AGAP4: variants seen among roughly 807,000 people sequenced by gnomAD.
AGAP4 encodes ArfGAP with GTPase domain, ankyrin repeat and PH domain 4.
Under a neutral mutation model 60.7 loss-of-function variants are expected in AGAP4, and 13 were observed. The ratio of observed to expected loss-of-function variants is 0.21; its 90% CI spans 0.14 to 0.34. AGAP4 has a LOEUF of 0.34. Among genes scored for constraint, AGAP4 ranks in the 10% least tolerant of loss-of-function variants. The probability of loss-of-function intolerance (pLI) is 1.00; values close to 1 mark genes in which losing one functional copy is unlikely to be tolerated. For synonymous variants in AGAP4, 70 were observed against 339.0 expected, an observed-to-expected ratio of 0.21 and a Z score of 8.72; for missense variants, 169 against 884.0, an observed-to-expected ratio of 0.19 and a Z score of 10.26.
chr10:45,853,651 G>T, intron 1 of AGAP4: 2 of 1,286,916 alleles, frequency 1.6e-6, no homozygotes, highest in Non-Finnish European at 2.0e-6. Context: ...GGAGACCAAG[G>T]TACCTCCAGA....
Position 45,846,732 on chromosome 10 carries a change from T to C in AGAP4, c.247A>G (p.Asn83Asp), listed in dbSNP as rs2135966411. ...TGGAATATTGTGCTTGCCTCTGGATTGGCAGAAAGGTTAAACTCCAAAGCT... is the reference window on the plus strand; with the variant it reads ...TGGAATATTGTGCTTGCCTCTGGATCGGCAGAAAGGTTAAACTCCAAAGCT... ...PEALEFNLSANPEASTIFQRN... is the reference protein window; with the variant it reads ...PEALEFNLSADPEASTIFQRN... The change falls in exon 2 of 8, where the codon AAT (asparagine) becomes GAT (aspartate). Residue 83 changes from asparagine to aspartate, a missense_variant. Physicochemically the swap from Asn to Asp is conservative, Grantham distance 23. Coordinates refer to ENST00000616763, the MANE Select transcript of AGAP4 (RefSeq NM_001276343.3). 1 of 1,305,188 alleles carries C rather than the reference T, an allele frequency of 7.7e-7. No individual in the cohort carries two copies. Among genetic ancestry groups the C allele is most frequent in the East Asian group, 2.5e-5 (1 of 39,696 alleles). 80.9% of individuals were successfully genotyped at this position (1,305,188 alleles called of 1,614,324 possible).
rs1429373066 is a variant in AGAP4 at position 45,853,541 on chromosome 10, A to G, written n.221+114T>C. 3.4e-6 allele frequency: 4 copies of G among 1,192,602 alleles called. No individual in the cohort carries two copies. The East Asian group carries it at 1.7e-4, about 52-fold the overall frequency. 73.9% of individuals were successfully genotyped at this position (1,192,602 alleles called of 1,614,324 possible). ...ATGTCAGCCAAATACATATGCTCAG[A>G]TTTACCATTTATCAAGAGGTCTTCA... On this transcript the variant is annotated intron_variant and non_coding_transcript_variant, in intron 1 of 9. Coordinates refer to the AGAP4 transcript ENST00000430779.
intron 6 of AGAP4, among the ~76,000 whole-genome samples, chr10:45,830,587 G>A (rs1323331844): frequency 6.6e-4 from 72 of 109,130 alleles, no homozygotes; most frequent in Non-Finnish European, 6.7e-4. Flanking sequence ...CCAAGTTCAA[G>A]CGGTTCTCCT....
intron 4 of AGAP4, among the ~76,000 whole-genome samples, chr10:45,837,987 T>G (rs2058850398): frequency 6.6e-6 from 1 of 150,690 alleles, no homozygotes; most frequent in Admixed American, 6.6e-5. Context: ...CCAGAATCTA[T>G]GAGGAACTCA....
In AGAP4 at chr10:45,829,340, T is replaced by G. The variant is rs534536933; in HGVS notation, c.534-1260A>C. On this transcript the variant is annotated intron_variant, in intron 6 of 7. Transcript: ENST00000616763. ...AAGTTAACCAGAAGCGCTTTTTTTT[T>G]TTTTGTTTTTAAAGAATCCGTGATT... Among the ~76,000 whole-genome samples the G allele has an allele frequency of 9.8e-4, 143 of 146,086 alleles. 5 individuals are homozygous for G. The highest frequency in any genetic ancestry group is 3.6e-3 in the Middle Eastern group (1 of 280).
upstream of AGAP4, chr10:45,854,661 G>C (rs1359364803): frequency 4.7e-5 from 6 of 127,368 alleles, no homozygotes; most frequent in African/African-American, 1.4e-4. Flanking sequence ...AAAAAAAAGA[G>C]AGAAAAAGAG....
At chr10:45,835,870 C>A (rs2135939683) in intron 4 of AGAP4, among the ~76,000 whole-genome samples, 1 of 150,682 alleles carries the variant, frequency 6.6e-6, no homozygotes, top group Admixed American at 6.6e-5. Flanking sequence ...ACACTACTAA[C>A]AGTTTACTCT....
At chr10:45,853,633 A>G in intron 1 of AGAP4, 2 of 1,286,348 alleles carry the variant, frequency 1.6e-6, no homozygotes, top group African/African-American at 3.0e-5. Context: ...AAACACAGCC[A>G]TGGATCGGGA....
chr10:45,837,981 A>G (rs1468686169), intron 4 of AGAP4, among the ~76,000 whole-genome samples: 3 of 150,854 alleles, frequency 2.0e-5, no homozygotes, highest in Non-Finnish European at 4.4e-5. Flanking sequence ...TATTATCCAG[A>G]ATCTATGAGG....
rs1432038717 is a variant in AGAP4 at position 45,841,165 on chromosome 10, C to T, written c.396+488G>A. 2.1e-5 allele frequency among the ~76,000 whole-genome samples: 2 copies of T among 97,538 alleles called. 1 individual carries two copies. The highest frequency in any genetic ancestry group is 6.4e-4 in the East Asian group (2 of 3,128). The allele number at this position is 97,538 out of a possible 152,430, so 64.0% of individuals were successfully genotyped here. A position where few individuals can be genotyped will look rare whatever the true frequency, so the allele number is the denominator to read the frequency against. On this transcript the variant is annotated intron_variant, in intron 4 of 7. Coordinates refer to ENST00000616763, the MANE Select transcript of AGAP4 (RefSeq NM_001276343.3). ...TCGTCCAGGCTGGAGTGCAATGGCG[C>T]GATCTTGGCTCACTGCAACCTCCGC... is the stretch of plus-strand genomic sequence containing the variant.
At chr10:45,832,053 G>T (rs1371247798) in intron 5 of AGAP4, among the ~76,000 whole-genome samples, 1 of 131,848 alleles carries the variant, frequency 7.6e-6, no homozygotes, top group Non-Finnish European at 1.7e-5. Flanking sequence ...GGGATTACAG[G>T]CATGTGCCAC....
chr10:45,836,888 G>A (rs2058826505), intron 4 of AGAP4, among the ~76,000 whole-genome samples: 2 of 145,296 alleles, frequency 1.4e-5, no homozygotes, highest in African/African-American at 5.2e-5. Context: ...TTTTTGAGAT[G>A]GAGTCTCGCT....
intron 5 of AGAP4, among the ~76,000 whole-genome samples, chr10:45,831,887 GTGCCACTA>G (rs2058737159): frequency 6.8e-6 from 1 of 147,176 alleles, no homozygotes; most frequent in African/African-American, 2.5e-5. Flanking sequence ...CTACAAGTTT[GTGCCACTA>G]TGCCCAGATA....
intron 4 of AGAP4, among the ~76,000 whole-genome samples, chr10:45,841,036 T>C (rs1233003523): frequency 8.4e-6 from 1 of 119,410 alleles, no homozygotes; most frequent in Non-Finnish European, 1.8e-5. Context: ...CAATAGACAG[T>C]GCTGGCAATT....
At position 45,826,628 on chromosome 10, in the gene AGAP4, C is replaced by T. The variant is rs150602632; in HGVS notation, c.1348G>A (p.Glu450Lys). The T allele has an allele frequency of 4.3e-5, 60 of 1,403,384 alleles. 18 individuals are homozygous for T. The highest frequency in any genetic ancestry group is 5.4e-5 in the Admixed American group (3 of 55,818). 86.9% of individuals were successfully genotyped at this position (1,403,384 alleles called of 1,614,324 possible). The stretch of plus-strand genomic sequence containing the variant: ...AGCTGGGACTTGCTTTTACTGCTCT[C>T]GCATGACTGCAGGCTGGCCAGGATC... The part of the protein sequence containing the change: ...SQILASLQSC[E>K]SSKSKSQLTS... Residue 450 changes from glutamate (E) to lysine (K), a missense_variant, in exon 8 of 8, where the codon GAG becomes AAG. Glu to Lys is a moderately conservative substitution (Grantham distance 56, BLOSUM62 1). Coordinates refer to ENST00000616763, the MANE Select transcript of AGAP4 (RefSeq NM_001276343.3).
At position 45,825,686 on chromosome 10, in the gene AGAP4, G is replaced by A. The variant is rs2058633499; in HGVS notation, c.*229C>T. 2 of 504,220 alleles carry A rather than the reference G, an allele frequency of 4.0e-6. No individual in the cohort carries two copies. The highest frequency in any genetic ancestry group is 1.9e-5 in the African/African-American group (1 of 51,800). 31.2% of individuals were successfully genotyped at this position (504,220 alleles called of 1,614,324 possible). On this transcript the variant is annotated 3_prime_UTR_variant, in exon 8 of 8. Coordinates refer to ENST00000616763, the MANE Select transcript of AGAP4 (RefSeq NM_001276343.3). ...TAATACAGAAGCCTGTGTGACTTGG[G>A]CAATGTGGCCAGGAGGGCCTGAGAC... is the stretch of plus-strand genomic sequence containing the variant.
intron 1 of AGAP4, chr10:45,853,514 AC>A (rs2059108482): frequency 9.3e-7 from 1 of 1,072,366 alleles, no homozygotes; most frequent in Non-Finnish European, 1.2e-6. Context: ...TTTCACAATG[AC>A]ATGTCAGCCA....
rs1554896424 is a variant in AGAP4 at position 45,826,846 on chromosome 10, A to C, written c.1130T>G (p.Phe377Cys). 1 of 1,311,322 alleles carries C rather than the reference A, an allele frequency of 7.6e-7. No homozygotes were observed. Among genetic ancestry groups the C allele is most frequent in the African/African-American group, 1.7e-5 (1 of 58,156 alleles). The allele number at this position is 1,311,322 out of a possible 1,614,324, so 81.2% of individuals were successfully genotyped here. ...GGTGGTGCTGGAGATACTGGGGCTG[A>C]AGCATATGGAGTCACCCAGCCCGGT... ...MDTGLGDSIC[F>C]SPSISSTTSP... Residue 377 changes from phenylalanine (F) to cysteine (C), a missense_variant, in exon 8 of 8, where the codon TTC becomes TGC. By Grantham distance (205) the Phe-to-Cys change is radical (BLOSUM62 -2). Coordinates refer to ENST00000616763, the MANE Select transcript of AGAP4 (RefSeq NM_001276343.3).
chr10:45,850,847 T>A (rs1387093507), upstream of AGAP4, among the ~76,000 whole-genome samples: 1 of 151,936 alleles, frequency 6.6e-6, no homozygotes, highest in Admixed American at 6.6e-5. Context: ...AGTGTCACAT[T>A]AAAATGGAAC....
Sources: allele counts gnomAD v4.1 joint callset (sites outside exome capture counted in the v4.1 genomes callset), GRCh38; gene constraint gnomAD v4.1.1; transcripts MANE v1.5; gene names NCBI Gene and HGNC (gene_info 2026-07-23, HGNC 2026-07-21).